Variants in PRKCE observed in about 807,000 individuals in gnomAD.
PRKCE encodes the protein protein kinase C epsilon.
A neutral mutation model predicts 85.4 loss-of-function variants in PRKCE; 16 were observed. The observed-to-expected ratio is 0.19, with a 90% CI of 0.13 to 0.28. The LOEUF is 0.28. Among genes scored for constraint, PRKCE ranks in the 10% least tolerant of loss-of-function variants. The pLI, the probability that PRKCE is intolerant of heterozygous loss-of-function variation, is 1.00. For synonymous variants in PRKCE, 388 were observed against 371.5 expected (o/e 1.04, Z -0.51); for missense variants, 573 against 975.2 (o/e 0.59, Z 5.49).
chr2:45,698,429 C>T (rs928691877), intron 1 of PRKCE, among the ~76,000 whole-genome samples: 8 of 151,914 alleles, frequency 5.3e-5, no homozygotes, highest in Non-Finnish European at 1.2e-4. Context: ...GGACCTGGCT[C>T]CCTGGGGGTT....
At chr2:45,659,837 C>CTT (rs539573873) in intron 1 of PRKCE, among the ~76,000 whole-genome samples, 21,921 of 143,144 alleles carry the variant, frequency 0.15, 1,851 homozygotes, top group East Asian at 0.24. Context: ...CCTTTCCTGC[C>CTT]TTTTTTTTTT....
chr2:46,180,001 A>G (rs1377771112), intron 14 of PRKCE, among the ~76,000 whole-genome samples: 1 of 152,242 alleles, frequency 6.6e-6, no homozygotes, highest in Non-Finnish European at 1.5e-5. Flanking sequence ...TGGAGTATGC[A>G]GTATGTGCCA....
chr2:45,691,795 G>A (rs1266167228), intron 1 of PRKCE, among the ~76,000 whole-genome samples: 4 of 152,222 alleles, frequency 2.6e-5, no homozygotes, highest in Middle Eastern at 3.4e-3. Context: ...GCATGGAGGC[G>A]GCACTCTTTC....
intron 11 of PRKCE, among the ~76,000 whole-genome samples, chr2:46,143,721 G>A (rs1675787709): frequency 6.6e-6 from 1 of 152,180 alleles, no homozygotes; most frequent in African/African-American, 2.4e-5. Context: ...GGAGAACCCT[G>A]GTCCCAGGGG....
In PRKCE at chr2:45,918,075, C is replaced by G. The variant is rs563102600; in HGVS notation, c.413-58354C>G. 4.7e-3 allele frequency among the ~76,000 whole-genome samples: 709 copies of G among 152,338 alleles called. 10 individuals are homozygous for G. Among genetic ancestry groups the G allele is most frequent in the African/African-American group, 0.016 (684 of 41,584 alleles). Reference sequence around the variant, plus strand: ...CCTCTCCCTCCACACCTCCCTGCAACCTGAGGGAGCCGGCTCCGGCCTTGG... The same window carrying G: ...CCTCTCCCTCCACACCTCCCTGCAAGCTGAGGGAGCCGGCTCCGGCCTTGG... On this transcript the variant is annotated intron_variant, in intron 2 of 14. Transcript: ENST00000306156.
At chr2:45,781,355 A>T (rs1686173581) in intron 1 of PRKCE, among the ~76,000 whole-genome samples, 1 of 152,060 alleles carries the variant, frequency 6.6e-6, no homozygotes, top group Non-Finnish European at 1.5e-5. Flanking sequence ...AAAGAAATCA[A>T]ATTACTACCT....
chr2:45,733,147 T>A (rs1681734133), intron 1 of PRKCE, among the ~76,000 whole-genome samples: 1 of 152,230 alleles, frequency 6.6e-6, no homozygotes. Context: ...GAGAGTTTAC[T>A]CCTCTCTCAG....
intron 2 of PRKCE, among the ~76,000 whole-genome samples, chr2:45,920,272 C>G (rs1411717326): frequency 6.6e-6 from 1 of 152,208 alleles, no homozygotes; most frequent in African/African-American, 2.4e-5. Flanking sequence ...CACACTGAGG[C>G]CTCAGCTTGG....
intron 2 of PRKCE, among the ~76,000 whole-genome samples, chr2:45,919,917 G>A (rs1698128312): frequency 6.6e-6 from 1 of 152,232 alleles, no homozygotes; most frequent in Non-Finnish European, 1.5e-5. Flanking sequence ...GTGTGGAAAA[G>A]GGTGCGTGAG....
intron 11 of PRKCE, among the ~76,000 whole-genome samples, chr2:46,143,904 C>T (rs1277721336): frequency 6.6e-6 from 1 of 152,226 alleles, no homozygotes; most frequent in East Asian, 1.9e-4. Context: ...GCACTCAGGC[C>T]TGGATCCCTG....
intron 10 of PRKCE, among the ~76,000 whole-genome samples, chr2:46,079,413 A>G (rs966092152): frequency 2.6e-5 from 4 of 152,196 alleles, no homozygotes; most frequent in Non-Finnish European, 5.9e-5. Flanking sequence ...CTTGAAAAAC[A>G]TAAGCCATGG....
At chr2:46,156,690 A>C (rs367574538) in intron 13 of PRKCE, among the ~76,000 whole-genome samples, 3 of 152,236 alleles carry the variant, frequency 2.0e-5, no homozygotes, top group African/African-American at 7.2e-5. Flanking sequence ...AGCCTTGCTT[A>C]GGGGGACTCT....
At chr2:45,677,669 A>G (rs1449924985) in intron 1 of PRKCE, among the ~76,000 whole-genome samples, 1 of 152,196 alleles carries the variant, frequency 6.6e-6, no homozygotes, top group Non-Finnish European at 1.5e-5. Flanking sequence ...TTCAAATTGT[A>G]TCACCCTGTG....
chr2:45,933,861 T>G (rs914270003), intron 2 of PRKCE, among the ~76,000 whole-genome samples: 2 of 152,160 alleles, frequency 1.3e-5, no homozygotes, highest in African/African-American at 4.8e-5. Flanking sequence ...TGGGCAGCAC[T>G]GTAGTAAAAT....
chr2:45,855,210 A>G (rs1196183318), intron 2 of PRKCE, among the ~76,000 whole-genome samples: 1 of 152,196 alleles, frequency 6.6e-6, no homozygotes, highest in African/African-American at 2.4e-5. Flanking sequence ...ATAAATATAT[A>G]CAAGTGGAGG....
chr2:45,915,763 A>T (rs537575238), intron 2 of PRKCE, among the ~76,000 whole-genome samples: 1 of 152,274 alleles, frequency 6.6e-6, no homozygotes, highest in South Asian at 2.1e-4. Context: ...TCATGTACAG[A>T]CATGACCTGA....
chr2:46,122,895 T>TG (rs1010093565), intron 11 of PRKCE, among the ~76,000 whole-genome samples: 5 of 149,878 alleles, frequency 3.3e-5, no homozygotes, highest in Non-Finnish European at 5.9e-5. Context: ...TTTTTTTTTT[T>TG]TTTTTTTTTA....
chr2:46,072,702 T>C (rs1183702195), intron 10 of PRKCE, among the ~76,000 whole-genome samples: 1 of 152,156 alleles, frequency 6.6e-6, no homozygotes, highest in Non-Finnish European at 1.5e-5. Context: ...GTGTTAGGCA[T>C]TGTAGAGACA....
At chr2:46,066,389 T>C (rs941652919) in intron 10 of PRKCE, among the ~76,000 whole-genome samples, 1 of 152,204 alleles carries the variant, frequency 6.6e-6, no homozygotes, top group Non-Finnish European at 1.5e-5. Context: ...TCCGAATTTA[T>C]GAATGAAAAT....
Sources: gnomAD v4.1 joint callset for allele counts (sites outside exome capture counted in the v4.1 genomes callset) on GRCh38, gnomAD v4.1.1 for gene constraint, MANE v1.5 for transcripts, NCBI Gene and HGNC (gene_info 2026-07-23, HGNC 2026-07-21) for gene names.